CMTM3: variants seen among roughly 807,000 people sequenced by gnomAD.
CMTM3 encodes CKLF-like MARVEL transmembrane domain-containing protein 3.
In CMTM3, 7 loss-of-function variants were observed where a neutral mutation model predicts 18.2. That is an observed-to-expected ratio of 0.38 (90% CI 0.22 to 0.72). The LOEUF is 0.72. Ranked by LOEUF, CMTM3 falls within the 30% of genes least tolerant of loss-of-function variation. The pLI, the probability that CMTM3 is intolerant of heterozygous loss-of-function variation, is 0.46. For synonymous variants in CMTM3, 109 were observed against 111.2 expected (o/e 0.98, Z 0.12); for missense variants, 227 against 249.2 (o/e 0.91, Z 0.60).
rs758138786 is a variant in CMTM3, at chr16:66,604,890, G to A, written c.85G>A (p.Ala29Thr). ...RPGPAVPGLR[A>T]LLPARAFLCS... ...CGGCCCCGCGGTCCCCGGGCTCCGCGCCCTGCTGCCGGCGCGGGCTTTCCT... is the reference window on the plus strand; with the variant it reads ...CGGCCCCGCGGTCCCCGGGCTCCGCACCCTGCTGCCGGCGCGGGCTTTCCT... The change falls in exon 1 of 5, where the codon GCC becomes ACC. Residue 29 changes from alanine to threonine, a missense_variant. Coordinates refer to ENST00000567572, the MANE Select transcript of CMTM3 (RefSeq NM_181553.4). 12 of 1,438,284 alleles carry A rather than the reference G, an allele frequency of 8.3e-6. No individual in the cohort carries two copies. In the Admixed American group the frequency reaches 2.7e-4, roughly 33 times the overall value. The allele number at this position is 1,438,284 out of a possible 1,614,324, so 89.1% of individuals were successfully genotyped here. A position where few individuals can be genotyped will look rare whatever the true frequency, so the allele number is the denominator to read the frequency against.
intron 4 of CMTM3, chr16:66,611,055 A>C (rs2015357863): frequency 5.0e-6 from 2 of 396,886 alleles, no homozygotes; most frequent in Admixed American, 4.4e-5. Context: ...ACGTCAGTGG[A>C]AACTTGGGTG....
Position 66,609,220 on chromosome 16 carries a change from C to T in CMTM3, c.304-215C>T, listed in dbSNP as rs1401779038. ...TGCCCAGAGCTTAGGACAGCAGCCC[C>T]GCTGGACCCGGGATAGGGCAGTGTC... On this transcript the variant is annotated intron_variant, in intron 2 of 4. Transcript: ENST00000567572. This position sits in a 1 kb window ranked among gnomAD's most constrained non-coding sequence, Gnocchi z 4.4. Among the ~76,000 whole-genome samples the T allele has an allele frequency of 2.0e-5, 3 of 152,222 alleles. No homozygotes were observed. The highest frequency in any genetic ancestry group is 6.5e-5 in the Admixed American group (1 of 15,290).
Position 66,605,330 on chromosome 16 carries a change from C to G in CMTM3, c.147+378C>G, listed in dbSNP as rs2015100113. The G allele has an allele frequency of 5.9e-6, 1 of 168,604 alleles. No individual in the cohort carries two copies. The highest frequency in any genetic ancestry group is 2.4e-5 in the African/African-American group (1 of 42,154). 10.4% of individuals were successfully genotyped at this position (168,604 alleles called of 1,614,324 possible). A position where few individuals can be genotyped will look rare whatever the true frequency, so the allele number is the denominator to read the frequency against. On this transcript the variant is annotated intron_variant, in intron 1 of 4. Transcript: ENST00000567572. This position sits in a 1 kb window ranked among gnomAD's most constrained non-coding sequence, Gnocchi z 4.6. Reference sequence around the variant, plus strand: ...CCCGGGCCGCAGCGGGGTCCGCTTTCCTGCGAGCGGGTAGTGCGGGCCGGG... The same window carrying G: ...CCCGGGCCGCAGCGGGGTCCGCTTTGCTGCGAGCGGGTAGTGCGGGCCGGG...
rs1009395107 is a variant in CMTM3, at chr16:66,612,736, T to C, written c.*99T>C. On this transcript the variant is annotated 3_prime_UTR_variant, in exon 5 of 5. Transcript: ENST00000567572. The surrounding 1 kb of genome is among the most constrained non-coding windows in gnomAD (Gnocchi z 6.0). ...TGGAGCGGAGGCCTGGACTTCTGAG[T>C]TGCAGAGGGGGCTGCGGACACAGCA... is the stretch of plus-strand genomic sequence containing the variant. 3.3e-6 allele frequency: 4 copies of C among 1,218,996 alleles called. No individual in the cohort carries two copies. In the Admixed American group the frequency reaches 8.0e-5, roughly 24 times the overall value. The allele number at this position is 1,218,996 out of a possible 1,614,324, so 75.5% of individuals were successfully genotyped here. A position where few individuals can be genotyped will look rare whatever the true frequency, so the allele number is the denominator to read the frequency against.
In CMTM3 at chr16:66,604,760, G is replaced by T. The variant is rs1026112563; in HGVS notation, c.-46G>T. On this transcript the variant is annotated 5_prime_UTR_variant, in exon 1 of 5. Transcript: ENST00000567572. ...GGTTTCCGCTTCCCTCCGGGCGCGA[G>T]AAGAGGGGAGCCAGGCCGAGCCCCG... 1.6e-6 allele frequency: 2 copies of T among 1,215,192 alleles called. No individual in the cohort carries two copies. The highest frequency in any genetic ancestry group is 2.0e-6 in the Non-Finnish European group (2 of 977,160). 75.3% of individuals were successfully genotyped at this position (1,215,192 alleles called of 1,614,324 possible).
chr16:66,612,073 G>C lies in CMTM3; in HGVS notation c.521-536G>C, dbSNP rs985680979. ...AAGGGGCACCTGGGCTTCAGTCTTGGGGTGGAAACACCCCCACCTGCACCC... is the reference window on the plus strand; with the variant it reads ...AAGGGGCACCTGGGCTTCAGTCTTGCGGTGGAAACACCCCCACCTGCACCC... On this transcript the variant is annotated intron_variant, in intron 4 of 4. Transcript: ENST00000567572. The surrounding 1 kb of genome is among the most constrained non-coding windows in gnomAD (Gnocchi z 6.0). Among the ~76,000 whole-genome samples, 3 of 152,118 alleles carry C rather than the reference G, an allele frequency of 2.0e-5. No homozygotes were observed.
At position 66,613,012 on chromosome 16, in the gene CMTM3, T is replaced by A. The variant is rs1299325775; in HGVS notation, c.*375T>A. 1.4e-6 allele frequency: 1 copy of A among 701,956 alleles called. No individual in the cohort carries two copies. Among genetic ancestry groups the A allele is most frequent in the East Asian group, 2.7e-5 (1 of 37,232 alleles). 43.5% of individuals were successfully genotyped at this position (701,956 alleles called of 1,614,324 possible). On this transcript the variant is annotated 3_prime_UTR_variant, in exon 5 of 5. Transcript: ENST00000567572. Reference sequence around the variant, plus strand: ...GGTGGCGGGGGTCGGGGGTCTTCTGTTTCACTAACAGGAACAAAGACAGAA... The same window carrying A: ...GGTGGCGGGGGTCGGGGGTCTTCTGATTCACTAACAGGAACAAAGACAGAA...
Position 66,609,491 on chromosome 16 carries a change from C to T in CMTM3, c.360C>T (p.Ala120=). The T allele has an allele frequency of 6.2e-7, 1 of 1,611,124 alleles. No homozygotes were observed. Among genetic ancestry groups the T allele is most frequent in the Non-Finnish European group, 8.5e-7 (1 of 1,178,772 alleles). The change falls in exon 3 of 5, where the codon GCC becomes GCT. Residue 120 remains alanine (A), a synonymous_variant. Transcript: ENST00000567572. The surrounding 1 kb of genome is among the most constrained non-coding windows in gnomAD (Gnocchi z 4.4). ...TCTACTTTGCTATCTCCATCACGGCCATCGCCAAGTACTCGGATGGGGCTT... is the reference window on the plus strand; with the variant it reads ...TCTACTTTGCTATCTCCATCACGGCTATCGCCAAGTACTCGGATGGGGCTT... ...ALIYFAISIT[A]IAKYSDGASK...
Position 66,612,749 on chromosome 16 carries a change from T to C in CMTM3, c.*112T>C. ...TGGACTTCTGAGTTGCAGAGGGGGC[T>C]GCGGACACAGCAGGCCCCCTACAGC... On this transcript the variant is annotated 3_prime_UTR_variant, in exon 5 of 5. Coordinates refer to ENST00000567572, the MANE Select transcript of CMTM3 (RefSeq NM_181553.4). The surrounding 1 kb of genome is among the most constrained non-coding windows in gnomAD (Gnocchi z 6.0). 9.4e-7 allele frequency: 1 copy of C among 1,061,926 alleles called. No individual in the cohort carries two copies. The allele number at this position is 1,061,926 out of a possible 1,614,324, so 65.8% of individuals were successfully genotyped here.
chr16:66,609,893 T>C lies in CMTM3; in HGVS notation c.410T>C (p.Phe137Ser), dbSNP rs2015310519. The C allele has an allele frequency of 1.9e-6, 3 of 1,614,172 alleles. No individual in the cohort carries two copies. The highest frequency in any genetic ancestry group is 2.5e-6 in the Non-Finnish European group (3 of 1,180,020). Reference protein sequence around the residue: ...GASKAAGVFGFFATIVFATDF... With the variant: ...GASKAAGVFGSFATIVFATDF... ...CCACCCTGTCCACAGGTGTTTGGCT[T>C]CTTTGCTACCATCGTGTTTGCAACT... The change falls in exon 4 of 5, where the codon TTC becomes TCC. Residue 137 changes from phenylalanine to serine, a missense_variant. By Grantham distance (155) the Phe-to-Ser change is radical. Transcript: ENST00000567572. This position sits in a 1 kb window ranked among gnomAD's most constrained non-coding sequence, Gnocchi z 4.4.
chr16:66,610,280 G>C lies in CMTM3; in HGVS notation c.520+277G>C, dbSNP rs1445793377. Among the ~76,000 whole-genome samples the C allele has an allele frequency of 3.3e-5, 5 of 152,118 alleles. No homozygotes were observed. The highest frequency in any genetic ancestry group is 3.3e-4 in the Admixed American group (5 of 15,280). ...GCAAGTCTCCCTGGACGACCCCCCT[G>C]GGCAGCCAGTCACTCTCGGGCACCT... On this transcript the variant is annotated intron_variant, in intron 4 of 4. Coordinates refer to ENST00000567572, the MANE Select transcript of CMTM3 (RefSeq NM_181553.4). The surrounding 1 kb of genome is among the most constrained non-coding windows in gnomAD (Gnocchi z 4.6).
At position 66,609,566 on chromosome 16, in the gene CMTM3, T is replaced by TGCCCCTCTA; in HGVS notation, c.399+44_399+52dup. On this transcript the variant is annotated intron_variant, in intron 3 of 4. Coordinates refer to ENST00000567572, the MANE Select transcript of CMTM3 (RefSeq NM_181553.4). This position sits in a 1 kb window ranked among gnomAD's most constrained non-coding sequence, Gnocchi z 4.4. ...GCCCCACCCCTCTGGAAACTGCAGATGCCCCTCTAGCCCCTCATTTAGGGT... is the reference window on the plus strand; with the variant it reads ...GCCCCACCCCTCTGGAAACTGCAGATGCCCCTCTAGCCCCTCTAGCCCCTCATTTAGGGT... 6.4e-7 allele frequency: 1 copy of TGCCCCTCTA among 1,555,818 alleles called. No individual in the cohort carries two copies. Among genetic ancestry groups the TGCCCCTCTA allele is most frequent in the Non-Finnish European group, 8.7e-7 (1 of 1,145,648 alleles).
chr16:66,604,698 C>T (rs900997123), upstream of CMTM3: 3 of 882,108 alleles, frequency 3.4e-6, no homozygotes, highest in Admixed American at 9.1e-5. Context: ...CGCCCCTGCG[C>T]GAGCCAGTGT....
upstream of CMTM3, chr16:66,604,215 G>A (rs2015031600): frequency 6.6e-6 from 1 of 152,558 alleles, no homozygotes; most frequent in Admixed American, 6.5e-5. Flanking sequence ...GGTTGGGGGA[G>A]GCGGGTGCAG....
In CMTM3 at chr16:66,612,729, T is replaced by C; in HGVS notation, c.*92T>C. The C allele has an allele frequency of 7.7e-7, 1 of 1,304,984 alleles. No individual in the cohort carries two copies. The highest frequency in any genetic ancestry group is 1.2e-5 in the South Asian group (1 of 80,762). The allele number at this position is 1,304,984 out of a possible 1,614,324, so 80.8% of individuals were successfully genotyped here. ...CTGGCGTTGGAGCGGAGGCCTGGAC[T>C]TCTGAGTTGCAGAGGGGGCTGCGGA... On this transcript the variant is annotated 3_prime_UTR_variant, in exon 5 of 5. Coordinates refer to ENST00000567572, the MANE Select transcript of CMTM3 (RefSeq NM_181553.4). The surrounding 1 kb of genome is among the most constrained non-coding windows in gnomAD (Gnocchi z 6.0).
chr16:66,608,654 G>A lies in CMTM3; in HGVS notation c.303+190G>A, dbSNP rs910900018. Among the ~76,000 whole-genome samples the A allele has an allele frequency of 8.5e-5, 13 of 152,220 alleles. No individual in the cohort carries two copies. Among genetic ancestry groups the A allele is most frequent in the Non-Finnish European group, 1.9e-4 (13 of 68,038 alleles). On this transcript the variant is annotated intron_variant, in intron 2 of 4. Transcript: ENST00000567572. This position sits in a 1 kb window ranked among gnomAD's most constrained non-coding sequence, Gnocchi z 5.1. ...ACTCAGCAGCCCTGTGACCTCAAGT[G>A]GGCTGTGGTGCCTCTAGAGCAGGTC...
intron 1 of CMTM3, among the ~76,000 whole-genome samples, chr16:66,607,317 A>G (rs1393758385): frequency 3.9e-5 from 6 of 152,254 alleles, no homozygotes; most frequent in Non-Finnish European, 8.8e-5. Context: ...TGATTCTTGT[A>G]GTTCAAGTAC....
In CMTM3 at chr16:66,608,915, C is replaced by G. The variant is rs61092527; in HGVS notation, c.303+451C>G. On this transcript the variant is annotated intron_variant, in intron 2 of 4. Transcript: ENST00000567572. The surrounding 1 kb of genome is among the most constrained non-coding windows in gnomAD (Gnocchi z 5.1). Reference sequence around the variant, plus strand: ...TGGACCTCGCTGAATGAAATGTGTCCTAGAGAAAGGGCAGCAAAGGCTCAA... The same window carrying G: ...TGGACCTCGCTGAATGAAATGTGTCGTAGAGAAAGGGCAGCAAAGGCTCAA... Among the ~76,000 whole-genome samples, 1 of 152,078 alleles carries G rather than the reference C, an allele frequency of 6.6e-6. No homozygotes were observed. Among genetic ancestry groups the G allele is most frequent in the Admixed American group, 6.5e-5 (1 of 15,274 alleles).
chr16:66,612,799 T>C lies in CMTM3; in HGVS notation c.*162T>C. ...CCTCAGGTTCTGCCTGAGCCCAGCC[T>C]ACCAGGCTTGCCCCTCAGCTCAGCA... On this transcript the variant is annotated 3_prime_UTR_variant, in exon 5 of 5. Coordinates refer to ENST00000567572, the MANE Select transcript of CMTM3 (RefSeq NM_181553.4). The surrounding 1 kb of genome is among the most constrained non-coding windows in gnomAD (Gnocchi z 6.0). 1 of 693,698 alleles carries C rather than the reference T, an allele frequency of 1.4e-6. No homozygotes were observed. Among genetic ancestry groups the C allele is most frequent in the Non-Finnish European group, 2.4e-6 (1 of 409,384 alleles). 43.0% of individuals were successfully genotyped at this position (693,698 alleles called of 1,614,324 possible). A position where few individuals can be genotyped will look rare whatever the true frequency, so the allele number is the denominator to read the frequency against.
Sources: allele counts gnomAD v4.1 joint callset (sites outside exome capture counted in the v4.1 genomes callset), GRCh38; gene constraint gnomAD v4.1.1; non-coding constraint Gnocchi (gnomAD v3.1); transcripts MANE v1.5; gene names NCBI Gene and HGNC (gene_info 2026-07-23, HGNC 2026-07-21).